TMA16: variants seen among roughly 807,000 people sequenced by gnomAD.
The protein encoded by TMA16 is translation machinery associated 16 homolog.
TMA16 carries 26 observed loss-of-function variants against 27.1 expected under a neutral mutation model. The observed-to-expected ratio is 0.96, with a 90% CI of 0.70 to 1.33. The LOEUF (loss-of-function observed/expected upper bound fraction) is 1.33. Ranked by LOEUF, TMA16 falls within the 40% of genes most tolerant of loss-of-function variation. TMA16 has a pLI of 0.00. For missense variants in TMA16, 233 were observed against 241.4 expected, an observed-to-expected ratio of 0.97 and a Z score of 0.23; for synonymous variants, 71 against 81.9, an observed-to-expected ratio of 0.87 and a Z score of 0.72.
At chr4:163,513,045 C>T (rs1425523914) in intron 3 of TMA16, among the ~76,000 whole-genome samples, 186 bp downstream of exon 3, 1 of 152,180 alleles carries the variant, frequency 6.6e-6, no homozygotes, top group Non-Finnish European at 1.5e-5. Context: ...ATTTCTAGCT[C>T]AGTTTTCCAG....
intron 1 of TMA16, among the ~76,000 whole-genome samples, chr4:163,501,409 T>G (rs1737649679): frequency 6.6e-6 from 1 of 152,204 alleles, no homozygotes. Flanking sequence ...CTTTCAAACT[T>G]TGGTTAGGCC....
chr4:163,518,423 GAATA>G (rs1737918219), intron 6 of TMA16, among the ~76,000 whole-genome samples: 1 of 152,132 alleles, frequency 6.6e-6, no homozygotes, highest in African/African-American at 2.4e-5. Context: ...ACTGTCAAGG[GAATA>G]AATAGACAAC....
intron 1 of TMA16, among the ~76,000 whole-genome samples, chr4:163,506,722 A>G (rs912306662): frequency 6.6e-6 from 1 of 152,096 alleles, no homozygotes; most frequent in Non-Finnish European, 1.5e-5. Flanking sequence ...TCTCCTCACT[A>G]TCTGTAGTCC....
rs544333573 is a variant in TMA16 at position 163,497,698 on chromosome 4, G to C, written c.3+2894G>C. On this transcript the variant is annotated intron_variant, in intron 1 of 6. Coordinates refer to ENST00000358572, the MANE Select transcript of TMA16 (RefSeq NM_018352.3). ...TGCCTTCCTCTTACATGGACCTTTA[G>C]GATTATGTTGGGCCCACCTGGATAA... Among the ~76,000 whole-genome samples, 22 of 152,206 alleles carry C rather than the reference G, an allele frequency of 1.4e-4. 1 individual carries two copies. The highest frequency in any genetic ancestry group is 5.1e-4 in the African/African-American group (21 of 41,520).
chr4:163,512,932 T>C, intron 3 of TMA16, 73 bp downstream of exon 3: 7 of 1,179,162 alleles, frequency 5.9e-6, no homozygotes, highest in Non-Finnish European at 8.5e-6. Context: ...TTTTTCTTTT[T>C]ACTCTTTTAG....
intron 2 of TMA16, among the ~76,000 whole-genome samples, chr4:163,509,198 A>T (rs1043444208): frequency 6.6e-6 from 1 of 152,174 alleles, no homozygotes; most frequent in African/African-American, 2.4e-5. Context: ...AGTCATACTT[A>T]ACTTTAAATG....
At chr4:163,506,922 C>G (rs1012340228) in intron 1 of TMA16, 111 bp from the exon 2 acceptor site, 2 of 783,844 alleles carry the variant, frequency 2.6e-6, no homozygotes, top group Admixed American at 5.9e-5. Flanking sequence ...TTTTAGCTTA[C>G]TGTATTTCTG....
In TMA16 at chr4:163,494,699, G is replaced by C. The variant is rs1314817184; in HGVS notation, c.-103G>C. ...TCGGCGCGGGCTTCTCAGGCGCCAC[G>C]TGGGATTCGGCCCGGGTGCTCTTGT... On this transcript the variant is annotated 5_prime_UTR_variant, in exon 1 of 7. Coordinates refer to ENST00000358572, the MANE Select transcript of TMA16 (RefSeq NM_018352.3). 2 of 1,536,930 alleles carry C rather than the reference G, an allele frequency of 1.3e-6. No individual in the cohort carries two copies. The highest frequency in any genetic ancestry group is 2.2e-5 in the South Asian group (2 of 89,438).
At chr4:163,517,330 T>C in intron 5 of TMA16, 104 bp from the exon 6 acceptor site, 2 of 1,137,530 alleles carry the variant, frequency 1.8e-6, no homozygotes, top group East Asian at 5.0e-5. Flanking sequence ...TTCGAAATTT[T>C]GTTTTCTGTT....
At chr4:163,500,399 C>T (rs1737632866) in intron 1 of TMA16, among the ~76,000 whole-genome samples, 1 of 151,914 alleles carries the variant, frequency 6.6e-6, no homozygotes. Context: ...TTAGTAGAGA[C>T]GGGATTTCAC....
intron 4 of TMA16, 38 bp from the exon 5 acceptor site, chr4:163,515,275 A>G (rs1560916293): frequency 5.1e-6 from 8 of 1,579,742 alleles, no homozygotes; most frequent in Non-Finnish European, 6.0e-6. Flanking sequence ...CAATACATAT[A>G]CTTTGTATGT....
At chr4:163,509,016 TG>T (rs1737754623) in intron 2 of TMA16, among the ~76,000 whole-genome samples, 1 of 152,240 alleles carries the variant, frequency 6.6e-6, no homozygotes, top group South Asian at 2.1e-4. Flanking sequence ...CTAAATAGAT[TG>T]GATTTTTTCC....
intron 1 of TMA16, among the ~76,000 whole-genome samples, chr4:163,498,088 TC>T (rs1737587171): frequency 6.6e-6 from 1 of 152,134 alleles, no homozygotes; most frequent in Admixed American, 6.5e-5. Flanking sequence ...TAGATCCACT[TC>T]TTGCTTTTTA....
rs1737862507 is a variant in TMA16, at chr4:163,515,431, G to A, written c.358G>A (p.Glu120Lys). Residue 120 changes from glutamate to lysine, a missense_variant, in exon 5 of 7, where the codon GAG (glutamate) becomes AAG (lysine). Physicochemically the swap from Glu to Lys is moderately conservative, Grantham distance 56. Transcript: ENST00000358572. ...CGTCATCAAGCAGACGATGGAGCGGGAGCGACAGCAGTTTGAGGGATATGG... is the reference window on the plus strand; with the variant it reads ...CGTCATCAAGCAGACGATGGAGCGGAAGCGACAGCAGTTTGAGGGATATGG... Reference protein sequence around the residue: ...ETVIKQTMERERQQFEGYGLE... With the variant: ...ETVIKQTMERKRQQFEGYGLE... 1 of 1,613,912 alleles carries A rather than the reference G, an allele frequency of 6.2e-7. No homozygotes were observed. The highest frequency in any genetic ancestry group is 1.7e-5 in the Admixed American group (1 of 59,982).
chr4:163,504,590 G>A (rs997026879), intron 1 of TMA16, among the ~76,000 whole-genome samples: 5 of 152,100 alleles, frequency 3.3e-5, no homozygotes, highest in Non-Finnish European at 7.4e-5. Flanking sequence ...CTCCACCTCC[G>A]TAGTTCAAGC....
At chr4:163,516,259 ACT>A (rs1280275193) in intron 5 of TMA16, among the ~76,000 whole-genome samples, 5 of 152,046 alleles carry the variant, frequency 3.3e-5, no homozygotes, top group Admixed American at 2.0e-4. Flanking sequence ...TGATGAACAG[ACT>A]CTGATGAGTT....
At chr4:163,514,992 T>G (rs12504237) in intron 4 of TMA16, among the ~76,000 whole-genome samples, 6 of 145,160 alleles carry the variant, frequency 4.1e-5, no homozygotes, top group East Asian at 2.1e-4. Flanking sequence ...GGGGGTTTGG[T>G]GGGGGGTAGG....
At chr4:163,505,511 T>C (rs1471432048) in intron 1 of TMA16, among the ~76,000 whole-genome samples, 2 of 152,248 alleles carry the variant, frequency 1.3e-5, no homozygotes, top group Non-Finnish European at 2.9e-5. Flanking sequence ...GGAAGTAATT[T>C]TGAACTGCAT....
intron 1 of TMA16, among the ~76,000 whole-genome samples, chr4:163,506,519 A>G (rs1737720249): frequency 6.6e-6 from 1 of 152,188 alleles, no homozygotes; most frequent in South Asian, 2.1e-4. Context: ...CCTTTTGGAT[A>G]TACTAATTTT....
Sources: allele counts gnomAD v4.1 joint callset (sites outside exome capture counted in the v4.1 genomes callset), GRCh38; gene constraint gnomAD v4.1.1; transcripts MANE v1.5; gene names NCBI Gene and HGNC (gene_info 2026-07-23, HGNC 2026-07-21).